The following USP34 variants were observed in gnomAD, a reference collection of about 807,000 sequenced individuals.
USP34 encodes the protein ubiquitin carboxyl-terminal hydrolase 34.
A neutral mutation model predicts 460.3 loss-of-function variants in USP34; 70 were observed. The ratio of observed to expected loss-of-function variants is 0.15; its 90% CI spans 0.13 to 0.19. The LOEUF is 0.19. Among genes scored for constraint, USP34 ranks in the 10% least tolerant of loss-of-function variants. USP34 has a pLI of 1.00. For synonymous variants in USP34, 1,647 were observed against 1,405.3 expected (o/e 1.17, Z -3.85); for missense variants, 3,985 against 4,236.2 (o/e 0.94, Z 1.65).
chr2:61,395,297 T>C, intron 3 of USP34, 64 bp from the exon 4 acceptor site: 1 of 992,310 alleles, frequency 1.0e-6, no homozygotes, highest in Admixed American at 2.4e-5. Context: ...AAAATACAAT[T>C]CTATAAAAGA....
At chr2:61,370,699 C>A (rs1047644865) in intron 8 of USP34, 120 bp from the exon 9 acceptor site, 2 of 789,346 alleles carry the variant, frequency 2.5e-6, no homozygotes, top group South Asian at 1.9e-5. Context: ...GAATTAGATA[C>A]AATCAGTTTT....
At chr2:61,327,336 G>C (rs897738993) in intron 20 of USP34, among the ~76,000 whole-genome samples, 1 of 152,128 alleles carries the variant, frequency 6.6e-6, no homozygotes, top group Non-Finnish European at 1.5e-5. Context: ...TACATATGAC[G>C]AGATGTAGGG....
chr2:61,348,254 G>T lies in USP34; in HGVS notation c.1901C>A (p.Pro634His), dbSNP rs1381974808. ...DEDDDHGHNP[P>H]KSSCGTDLRN... ...AAGATCTGTACCACAACTGCTTTTG[G>T]GAGGATTATGACCATGATCATCGTC... Residue 634 changes from proline (P) to histidine (H), a missense_variant, in exon 15 of 80, where the codon CCC (proline) becomes CAC (histidine). By Grantham distance (77) the Pro-to-His change is moderately conservative. This residue lies in a region of USP34 where 716 missense variants were observed against 626.2 expected (regional missense o/e 1.14). Coordinates refer to ENST00000398571, the MANE Select transcript of USP34 (RefSeq NM_014709.4). 1 of 1,614,150 alleles carries T rather than the reference G, an allele frequency of 6.2e-7. No individual in the cohort carries two copies. The highest frequency in any genetic ancestry group is 8.5e-7 in the Non-Finnish European group (1 of 1,180,014).
chr2:61,417,696 AT>A (rs1451821525), intron 2 of USP34, among the ~76,000 whole-genome samples: 1 of 148,896 alleles, frequency 6.7e-6, no homozygotes, highest in Non-Finnish European at 1.5e-5. Flanking sequence ...ATAAGAAAAA[AT>A]ATATATATAA....
chr2:61,348,151 G>A lies in USP34; in HGVS notation c.2004C>T (p.Ser668=). 3 of 1,614,154 alleles carry A rather than the reference G, an allele frequency of 1.9e-6. No homozygotes were observed. Among genetic ancestry groups the A allele is most frequent in the Non-Finnish European group, 2.5e-6 (3 of 1,180,016 alleles). Residue 668 remains serine (S), a synonymous_variant, in exon 15 of 80, where the codon AGC becomes AGT. Transcript: ENST00000398571. ...SQGMSERNGT[S]SGTGKDLVFN... The stretch of plus-strand genomic sequence containing the variant: ...AAACCAGGTCCTTTCCTGTTCCGCT[G>A]CTTGTCCCATTTCTTTCTGACATGC...
intron 27 of USP34, among the ~76,000 whole-genome samples, chr2:61,308,970 C>T (rs528935278): frequency 5.3e-5 from 8 of 151,932 alleles, no homozygotes; most frequent in Non-Finnish European, 1.0e-4. Context: ...TGAACATGGA[C>T]GTTGCAGTAA....
At chr2:61,344,417 C>T (rs760415998) in intron 15 of USP34, among the ~76,000 whole-genome samples, 6 of 152,168 alleles carry the variant, frequency 3.9e-5, no homozygotes, top group African/African-American at 9.7e-5. Context: ...TTTAAGGCTG[C>T]AGTCTTGATG....
At chr2:61,317,934 G>A (rs891697135) in intron 22 of USP34, among the ~76,000 whole-genome samples, 167 bp from the exon 23 acceptor site, 5 of 151,966 alleles carry the variant, frequency 3.3e-5, no homozygotes, top group East Asian at 1.9e-4. Flanking sequence ...TGCTGGGCAC[G>A]GTGGCTCAGT....
intron 58 of USP34, among the ~76,000 whole-genome samples, chr2:61,231,075 A>C (rs1370206409): frequency 6.6e-6 from 1 of 152,240 alleles, no homozygotes; most frequent in African/African-American, 2.4e-5. Flanking sequence ...AAGAAAATGT[A>C]ATATGGATAC....
chr2:61,331,376 C>T lies in USP34; in HGVS notation c.2835-5G>A. On this transcript the variant is annotated splice_polypyrimidine_tract_variant and splice_region_variant and intron_variant, in intron 19 of 79. Coordinates refer to ENST00000398571, the MANE Select transcript of USP34 (RefSeq NM_014709.4). ...TTCAGTTCTTTTTCTGCCCACCTGG[C>T]CCAAATAAAAGAAAAAATAATTTTA... The T allele has an allele frequency of 6.2e-7, 1 of 1,605,792 alleles. No individual in the cohort carries two copies. Among genetic ancestry groups the T allele is most frequent in the Non-Finnish European group, 8.5e-7 (1 of 1,176,756 alleles).
chr2:61,384,419 C>G (rs1454413360), intron 5 of USP34, among the ~76,000 whole-genome samples: 2 of 152,076 alleles, frequency 1.3e-5, no homozygotes, highest in Non-Finnish European at 2.9e-5. Context: ...CCTATAATCC[C>G]AGCACTCTGG....
chr2:61,233,185 C>T (rs1322429622), intron 57 of USP34, among the ~76,000 whole-genome samples: 6 of 152,000 alleles, frequency 3.9e-5, no homozygotes, highest in Admixed American at 3.9e-4. Flanking sequence ...GTGATATGAG[C>T]ATGATTAATT....
Position 61,281,262 on chromosome 2 carries a change from C to T in USP34, c.4999-20G>A. On this transcript the variant is annotated intron_variant, in intron 37 of 79. Transcript: ENST00000398571. ...TGCAGTCTAGATGAAAAAGAAAGTT[C>T]CACAAACAGTGAGAGTTAGTATTAC... The T allele has an allele frequency of 6.2e-7, 1 of 1,602,360 alleles. No individual in the cohort carries two copies. Among genetic ancestry groups the T allele is most frequent in the South Asian group, 1.1e-5 (1 of 89,534 alleles).
At chr2:61,264,460 C>A (rs974953117) in intron 43 of USP34, among the ~76,000 whole-genome samples, 7 of 151,974 alleles carry the variant, frequency 4.6e-5, no homozygotes, top group Admixed American at 3.3e-4. Context: ...CACAGTGAGA[C>A]CCTGTCTCTA....
Position 61,229,650 on chromosome 2 carries a change from A to G in USP34, c.7114-17T>C, listed in dbSNP as rs1687835238. ...CTGAAACATCTGTGAAGAAAGAAAA[A>G]GATCAAACAAGAGCCAACTCATCAG... On this transcript the variant is annotated splice_polypyrimidine_tract_variant and intron_variant, in intron 58 of 79. Coordinates refer to ENST00000398571, the MANE Select transcript of USP34 (RefSeq NM_014709.4). 2 of 1,596,958 alleles carry G rather than the reference A, an allele frequency of 1.3e-6. No individual in the cohort carries two copies. Among genetic ancestry groups the G allele is most frequent in the African/African-American group, 1.3e-5 (1 of 74,144 alleles).
At position 61,206,950 on chromosome 2, in the gene USP34, T is replaced by C; in HGVS notation, c.8920-64A>G. 3 of 1,537,824 alleles carry C rather than the reference T, an allele frequency of 2.0e-6. No homozygotes were observed. The Admixed American group carries it at 5.2e-5, about 27-fold the overall frequency. ...TTTTGCTTACTGAGCCACAAAATGG[T>C]AGTACTCGTCCTCTACGATAGATGT... is the stretch of plus-strand genomic sequence containing the variant. On this transcript the variant is annotated intron_variant, in intron 70 of 79. Coordinates refer to ENST00000398571, the MANE Select transcript of USP34 (RefSeq NM_014709.4).
intron 27 of USP34, among the ~76,000 whole-genome samples, chr2:61,311,280 T>C (rs903923324): frequency 1.3e-5 from 2 of 152,128 alleles, no homozygotes; most frequent in Non-Finnish European, 2.9e-5. Context: ...GAGGCAGCAT[T>C]CAAGGTGCCA....
chr2:61,309,486 C>A (rs2103666500), intron 27 of USP34, among the ~76,000 whole-genome samples: 1 of 152,262 alleles, frequency 6.6e-6, no homozygotes, highest in South Asian at 2.1e-4. Context: ...TGGAAAAATG[C>A]ATTGAGGGTT....
At chr2:61,409,728 TAAATA>T (rs936615795) in intron 2 of USP34, among the ~76,000 whole-genome samples, 5 of 151,944 alleles carry the variant, frequency 3.3e-5, no homozygotes, top group South Asian at 4.2e-4. Context: ...AGTAAATAAA[TAAATA>T]AAATAAGTGT....
Sources: gnomAD v4.1 joint callset for allele counts (sites outside exome capture counted in the v4.1 genomes callset) on GRCh38, gnomAD v4.1.1 for gene constraint, gnomAD v4.1.1 regional missense constraint, MANE v1.5 for transcripts, NCBI Gene and HGNC (gene_info 2026-07-23, HGNC 2026-07-21) for gene names.